WNK2: variants seen among roughly 807,000 people sequenced by gnomAD.
WNK2 encodes the protein serine/threonine-protein kinase WNK2.
A neutral mutation model predicts 192.1 loss-of-function variants in WNK2; 67 were observed. The observed-to-expected ratio is 0.35, with a 90% CI of 0.29 to 0.43. The LOEUF (loss-of-function observed/expected upper bound fraction) is 0.43, where lower values mean the gene tolerates loss of function less well. Ranked by LOEUF, WNK2 falls within the 20% of genes least tolerant of loss-of-function variation. The probability of loss-of-function intolerance (pLI) is 1.00; values close to 1 mark genes in which losing one functional copy is unlikely to be tolerated. For synonymous variants in WNK2, 1,439 were observed against 1,393.9 expected (o/e 1.03, Z -0.72); for missense variants, 2,698 against 3,089.7 (o/e 0.87, Z 3.01).
intron 28 of WNK2, among the ~76,000 whole-genome samples, chr9:93,311,826 G>A (rs879757363): frequency 1.3e-5 from 2 of 152,074 alleles, no homozygotes; most frequent in Non-Finnish European, 2.9e-5. Flanking sequence ...CACCATGTTG[G>A]TCAGGCTGAT....
At chr9:93,250,471 G>A (rs753875437) in intron 8 of WNK2, among the ~76,000 whole-genome samples, 17 of 152,160 alleles carry the variant, frequency 1.1e-4, no homozygotes, top group African/African-American at 1.7e-4. Context: ...ATAGCACCCC[G>A]CATAGCCTTC....
At chr9:93,278,621 C>A (rs569953879) in intron 19 of WNK2, among the ~76,000 whole-genome samples, 1 of 152,196 alleles carries the variant, frequency 6.6e-6, no homozygotes, top group Non-Finnish European at 1.5e-5. Flanking sequence ...TCCCACAACA[C>A]ACTTCAAGAA....
intron 2 of WNK2, among the ~76,000 whole-genome samples, chr9:93,202,137 G>A (rs1832487961): frequency 1.3e-5 from 2 of 152,200 alleles, no homozygotes; most frequent in South Asian, 2.1e-4. Context: ...CTGAGGTTTG[G>A]TGTGGGACCC....
chr9:93,316,213 G>A (rs1364085175), intron 28 of WNK2: 1 of 152,192 alleles, frequency 6.6e-6, no homozygotes, highest in Admixed American at 6.5e-5. Flanking sequence ...TTTAATCTTT[G>A]CTCAGGAAAG....
At chr9:93,308,868 G>C in intron 28 of WNK2, 1 of 1,323,812 alleles carries the variant, frequency 7.6e-7, no homozygotes, top group Non-Finnish European at 9.7e-7. Flanking sequence ...GCCCCAGCCT[G>C]GGCAGCCCAA....
At chr9:93,217,617 T>A (rs765865294) in intron 2 of WNK2, among the ~76,000 whole-genome samples, 1 of 152,208 alleles carries the variant, frequency 6.6e-6, no homozygotes, top group Non-Finnish European at 1.5e-5. Context: ...CTCACCCCCA[T>A]GCTGCTTTAC....
intron 29 of WNK2, chr9:93,318,022 T>C (rs1261187933): frequency 6.2e-7 from 1 of 1,612,702 alleles, no homozygotes; most frequent in South Asian, 1.1e-5. Flanking sequence ...CCCTGTTCGC[T>C]CCTAGGTTCC....
In WNK2 at chr9:93,256,397, G is replaced by A. The variant is rs749583042; in HGVS notation, c.2133G>A (p.Pro711=). 151 of 1,550,902 alleles carry A rather than the reference G, an allele frequency of 9.7e-5. No homozygotes were observed. The highest frequency in any genetic ancestry group is 1.3e-4 in the Non-Finnish European group (146 of 1,154,214). Residue 711 remains proline, a synonymous_variant, in exon 10 of 30, where the codon CCG becomes CCA. Transcript: ENST00000427277. ...CCATGAGCTTCGCCCCCGTGCTGCC[G>A]CCGCCCAGCACCCCCATGCCCACGG... is the stretch of plus-strand genomic sequence containing the variant. The part of the protein sequence containing the change: ...DPAMSFAPVL[P]PPSTPMPTGP...
At chr9:93,286,480 T>TTA (rs1243915753) in intron 19 of WNK2, among the ~76,000 whole-genome samples, 1 of 152,176 alleles carries the variant, frequency 6.6e-6, no homozygotes, top group East Asian at 1.9e-4. Context: ...ACCTCACACC[T>TTA]GTTAAGATCA....
intron 26 of WNK2, among the ~76,000 whole-genome samples, chr9:93,304,734 G>A (rs1413231259): frequency 6.6e-6 from 1 of 152,254 alleles, no homozygotes. Flanking sequence ...GGTGGACTAA[G>A]GAGCCACCTA....
intron 24 of WNK2, among the ~76,000 whole-genome samples, chr9:93,298,819 G>A (rs1437034772): frequency 1.3e-5 from 2 of 152,172 alleles, no homozygotes; most frequent in Non-Finnish European, 2.9e-5. Flanking sequence ...TGTGTGCCTG[G>A]GTGTGTCTTC....
intron 8 of WNK2, among the ~76,000 whole-genome samples, chr9:93,248,881 C>T (rs984035622): frequency 5.3e-5 from 8 of 152,162 alleles, no homozygotes; most frequent in Non-Finnish European, 1.0e-4. Flanking sequence ...GGGACCTGCC[C>T]GGGCCAATAT....
Position 93,247,413 on chromosome 9 carries a change from A to G in WNK2, c.1543-130A>G. On this transcript the variant is annotated intron_variant, in intron 7 of 29. Coordinates refer to ENST00000427277, the MANE Select transcript of WNK2 (RefSeq NM_006648.4). This position sits in a 1 kb window ranked among gnomAD's most constrained non-coding sequence, Gnocchi z 5.2. ...TCTGAGCTGTCCCCGCGGATTTTAC[A>G]TTCAGTGGCAGTGGGATGGCGAGCG... 8.9e-7 allele frequency: 1 copy of G among 1,125,500 alleles called. No homozygotes were observed. The highest frequency in any genetic ancestry group is 1.3e-6 in the Non-Finnish European group (1 of 781,496). The allele number at this position is 1,125,500 out of a possible 1,614,324, so 69.7% of individuals were successfully genotyped here.
rs994469657 is a variant in WNK2, at chr9:93,304,357, TC to T, written c.6215-2418del. On this transcript the variant is annotated intron_variant, in intron 26 of 29. Coordinates refer to ENST00000427277, the MANE Select transcript of WNK2 (RefSeq NM_006648.4). ...AGATGCCAAGTCCAAGAGCCGGCCC[TC>T]CTGTCGTCCTGTGTGCTGCCACTTT... Among the ~76,000 whole-genome samples the T allele has an allele frequency of 3.4e-4, 51 of 152,208 alleles. 2 individuals carry two copies. The highest frequency in any genetic ancestry group is 8.8e-5 in the Non-Finnish European group (6 of 68,034).
At chr9:93,297,718 G>A in intron 23 of WNK2, 135 bp from the exon 24 acceptor site, 3 of 826,792 alleles carry the variant, frequency 3.6e-6, no homozygotes, top group Middle Eastern at 3.5e-4. Context: ...GCTTTAGAGT[G>A]GCCCAGGCCA....
In WNK2 at chr9:93,253,014, G is replaced by A; in HGVS notation, c.1966G>A (p.Val656Met). The A allele has an allele frequency of 6.4e-7, 1 of 1,554,474 alleles. No individual in the cohort carries two copies. The highest frequency in any genetic ancestry group is 8.7e-7 in the Non-Finnish European group (1 of 1,151,462). Residue 656 changes from valine to methionine, a missense_variant, in exon 9 of 30, where the codon GTG (valine) becomes ATG (methionine). Transcript: ENST00000427277. Reference sequence around the variant, plus strand: ...GGCCCAGTGTGTGTGCAGCCCCCCTGTGAGCGAGGGGCCCGTCCTGCCGCA... The same window carrying A: ...GGCCCAGTGTGTGTGCAGCCCCCCTATGAGCGAGGGGCCCGTCCTGCCGCA... ...SPAQCVCSPP[V>M]SEGPVLPQSL... is the part of the protein sequence containing the mutation.
Position 93,292,366 on chromosome 9 carries a change from A to C in WNK2, c.4995A>C (p.Ser1665=), listed in dbSNP as rs967419709. The C allele has an allele frequency of 7.4e-6, 12 of 1,613,858 alleles. No homozygotes were observed. The East Asian group carries it at 1.1e-4, about 15-fold the overall frequency. ...GYDRDGRQVA[S]DSHVVPSVPQ... Reference sequence around the variant, plus strand: ...ACAGAGATGGAAGGCAGGTGGCCTCAGACTCCCATGTGGTCCCCAGCGTCC... The same window carrying C: ...ACAGAGATGGAAGGCAGGTGGCCTCCGACTCCCATGTGGTCCCCAGCGTCC... The change falls in exon 22 of 30, where the codon TCA becomes TCC. Residue 1665 remains serine, a synonymous_variant. Transcript: ENST00000427277.
chr9:93,207,928 G>T (rs1350432479), intron 2 of WNK2, among the ~76,000 whole-genome samples: 2 of 152,208 alleles, frequency 1.3e-5, no homozygotes, highest in Non-Finnish European at 2.9e-5. Flanking sequence ...GACTTTAGGG[G>T]GACAGCTTCG....
At chr9:93,258,055 C>A (rs1353543375) in intron 11 of WNK2, among the ~76,000 whole-genome samples, 1 of 152,230 alleles carries the variant, frequency 6.6e-6, no homozygotes, top group African/African-American at 2.4e-5. Context: ...TCACCCTGCT[C>A]AGGCCCAGAT....
Sources: allele counts gnomAD v4.1 joint callset (sites outside exome capture counted in the v4.1 genomes callset), GRCh38; gene constraint gnomAD v4.1.1; non-coding constraint Gnocchi (gnomAD v3.1); transcripts MANE v1.5; gene names NCBI Gene and HGNC (gene_info 2026-07-23, HGNC 2026-07-21).